STAT6: variants seen among roughly 807,000 people sequenced by gnomAD.
STAT6 encodes the protein STAT, interleukin4-induced.
A neutral mutation model predicts 106.3 loss-of-function variants in STAT6; 45 were observed. That is an observed-to-expected ratio of 0.42 (90% confidence interval 0.33 to 0.54). STAT6 has a LOEUF of 0.54. Ranked by LOEUF, STAT6 falls within the 20% of genes least tolerant of loss-of-function variation. STAT6 has a pLI of 0.06. For synonymous variants in STAT6, 413 were observed against 413.6 expected, an observed-to-expected ratio of 1.00 and a Z score of 0.02; for missense variants, 797 against 1,062.2, an observed-to-expected ratio of 0.75 and a Z score of 3.47.
chr12:57,105,234 G>C lies in STAT6; in HGVS notation c.918C>G (p.Ala306=), dbSNP rs978295929. 11 of 1,613,986 alleles carry C rather than the reference G, an allele frequency of 6.8e-6. No individual in the cohort carries two copies. Among genetic ancestry groups the C allele is most frequent in the Non-Finnish European group, 9.3e-6 (11 of 1,180,006 alleles). The change falls in exon 9 of 22, where the codon GCC becomes GCG. Residue 306 remains alanine (A), a synonymous_variant. Transcript: ENST00000300134. Reference sequence around the variant, plus strand: ...TGTCGGCCCTGACCAGCGGAGGCTTGGCTGGGGCCCCCAGGAACCTCAAGC... The same window carrying C: ...TGTCGGCCCTGACCAGCGGAGGCTTCGCTGGGGCCCCCAGGAACCTCAAGC... ...LLGLRFLGAP[A]KPPLVRADMV...
chr12:57,104,351 C>G, intron 11 of STAT6, 113 bp downstream of exon 11: 1 of 1,448,640 alleles, frequency 6.9e-7, no homozygotes, highest in Non-Finnish European at 9.3e-7. Context: ...GCATGAATCC[C>G]AGACACATGG....
At chr12:57,105,719 G>A in intron 7 of STAT6, 120 bp from the exon 8 acceptor site, 3 of 1,437,212 alleles carry the variant, frequency 2.1e-6, no homozygotes, top group Non-Finnish European at 2.8e-6. Context: ...GTGGGTAGTG[G>A]GTGTGGCTGC....
At chr12:57,109,119 G>A (rs1010887436) in intron 1 of STAT6, among the ~76,000 whole-genome samples, 6 of 152,118 alleles carry the variant, frequency 3.9e-5, no homozygotes, top group Admixed American at 1.3e-4. Flanking sequence ...ACAGAATGGC[G>A]TGAACCTGGG....
At chr12:57,100,746 GAAAAGA>G (rs2033871628) in intron 13 of STAT6, 2 of 208,728 alleles carry the variant, frequency 9.6e-6, no homozygotes, top group Admixed American at 6.1e-5. Context: ...AAGAAAGAAA[GAAAAGA>G]AAAAAAAACC....
chr12:57,105,316 G>A lies in STAT6; in HGVS notation c.836C>T (p.Pro279Leu). The A allele has an allele frequency of 6.2e-7, 1 of 1,614,064 alleles. No homozygotes were observed. The highest frequency in any genetic ancestry group is 8.5e-7 in the Non-Finnish European group (1 of 1,179,962). The change falls in exon 9 of 22, where the codon CCC becomes CTC. Residue 279 changes from proline to leucine, a missense_variant. Around this residue, in one of 4 missense-constraint regions of STAT6, gnomAD observed 336 missense variants for 429.8 expected, o/e 0.78. Transcript: ENST00000300134. ...GGTCTGAGTCTTCAGTACCTGGGGGGGCTGCTTCTCCACCAGGAAGCAACT... is the reference window on the plus strand; with the variant it reads ...GGTCTGAGTCTTCAGTACCTGGGGGAGCTGCTTCTCCACCAGGAAGCAACT... Reference protein sequence around the residue: ...VTSCFLVEKQPPQVLKTQTKF... With the variant: ...VTSCFLVEKQLPQVLKTQTKF...
chr12:57,104,921 G>T, intron 9 of STAT6, 108 bp from the exon 10 acceptor site: 2 of 1,360,250 alleles, frequency 1.5e-6, no homozygotes, highest in Non-Finnish European at 2.1e-6. Context: ...AAATCTCCAT[G>T]TCTCTGTTTG....
At position 57,099,616 on chromosome 12, in the gene STAT6, G is replaced by A; in HGVS notation, c.1744+151C>T. ...TTCCCACAGAGCTCACAGTGAGAAG[G>A]TGAACATTTAGACCACAGAAGGAAG... On this transcript the variant is annotated intron_variant, in intron 15 of 21. Coordinates refer to ENST00000300134, the MANE Select transcript of STAT6 (RefSeq NM_003153.5). The surrounding 1 kb of genome is among the most constrained non-coding windows in gnomAD (Gnocchi z 4.7). The A allele has an allele frequency of 2.9e-6, 4 of 1,391,496 alleles. No homozygotes were observed. The highest frequency in any genetic ancestry group is 2.9e-5 in the African/African-American group (2 of 69,438). The allele number at this position is 1,391,496 out of a possible 1,614,324, so 86.2% of individuals were successfully genotyped here. A position where few individuals can be genotyped will look rare whatever the true frequency, so the allele number is the denominator to read the frequency against.
At position 57,104,408 on chromosome 12, in the gene STAT6, G is replaced by C; in HGVS notation, c.1212+56C>G. The C allele has an allele frequency of 2.5e-6, 4 of 1,572,470 alleles. No individual in the cohort carries two copies. In the South Asian group the frequency reaches 4.6e-5, roughly 18 times the overall value. On this transcript the variant is annotated intron_variant, in intron 11 of 21. Coordinates refer to ENST00000300134, the MANE Select transcript of STAT6 (RefSeq NM_003153.5). ...GTGAGGGTCCAGGGCCCTTGTGTGT[G>C]GCATTGGAGGAGGACTCGGGGTCCC...
chr12:57,107,201 G>A, intron 4 of STAT6, 30 bp downstream of exon 4: 1 of 1,599,136 alleles, frequency 6.3e-7, no homozygotes, highest in Non-Finnish European at 8.6e-7. Context: ...AGGGGATTGA[G>A]TTGGGGTGGG....
At chr12:57,109,160 C>T (rs1315926311) in intron 1 of STAT6, among the ~76,000 whole-genome samples, 1 of 151,986 alleles carries the variant, frequency 6.6e-6, no homozygotes, top group African/African-American at 2.4e-5. Context: ...AGAGATCGAG[C>T]CACTGCACTC....
Position 57,096,854 on chromosome 12 carries a change from T to G in STAT6, c.2350A>C (p.Thr784Pro). 1 of 1,614,146 alleles carries G rather than the reference T, an allele frequency of 6.2e-7. No homozygotes were observed. The highest frequency in any genetic ancestry group is 2.2e-5 in the East Asian group (1 of 44,886). The change falls in exon 21 of 22, where the codon ACT becomes CCT. Residue 784 changes from threonine (T) to proline (P), a missense_variant. Coordinates refer to ENST00000300134, the MANE Select transcript of STAT6 (RefSeq NM_003153.5). ...CACTCCCAAGCTGCCACTCACCAAG[T>G]GCCCTGAGGAAACGCTGTCACTGGC... ...SQPVTAFPQG[T>P]WIGEDIFPPL...
At position 57,095,998 on chromosome 12, in the gene STAT6, A is replaced by T. The variant is rs1487912819; in HGVS notation, c.*574T>A. The T allele has an allele frequency of 6.5e-6, 1 of 152,896 alleles. No homozygotes were observed. The highest frequency in any genetic ancestry group is 6.5e-5 in the Admixed American group (1 of 15,282). The allele number at this position is 152,896 out of a possible 1,614,324, so 9.5% of individuals were successfully genotyped here. ...TAACAGGAATTTGGGGCTTTGGGAG[A>T]TTTTTTAATCAGGGCAAAACCTGTA... is the stretch of plus-strand genomic sequence containing the variant. On this transcript the variant is annotated 3_prime_UTR_variant, in exon 22 of 22. Coordinates refer to ENST00000300134, the MANE Select transcript of STAT6 (RefSeq NM_003153.5).
Position 57,099,519 on chromosome 12 carries a change from C to T in STAT6, c.1745-79G>A. 1.3e-6 allele frequency: 2 copies of T among 1,587,188 alleles called. No homozygotes were observed. The highest frequency in any genetic ancestry group is 1.7e-6 in the Non-Finnish European group (2 of 1,161,170). On this transcript the variant is annotated intron_variant, in intron 15 of 21. Coordinates refer to ENST00000300134, the MANE Select transcript of STAT6 (RefSeq NM_003153.5). This position sits in a 1 kb window ranked among gnomAD's most constrained non-coding sequence, Gnocchi z 4.7. ...CCCAACCCCTACCATAAGACCTGTT[C>T]TCACTCCACCAAGGCAAGGGAGAGA... is the stretch of plus-strand genomic sequence containing the variant.
chr12:57,107,212 A>G lies in STAT6; in HGVS notation c.339+19T>C, dbSNP rs746661132. The G allele has an allele frequency of 1.9e-5, 30 of 1,610,004 alleles. No homozygotes were observed. Among genetic ancestry groups the G allele is most frequent in the Non-Finnish European group, 2.6e-5 (30 of 1,176,440 alleles). On this transcript the variant is annotated intron_variant, in intron 4 of 21. Transcript: ENST00000300134. ...TCTCAGGGGATTGAGTTGGGGTGGG[A>G]GGTGGAATATCACAATACCTGTTCC...
Position 57,099,048 on chromosome 12 carries a change from T to G in STAT6, c.1922A>C (p.Tyr641Ser). 6.2e-7 allele frequency: 1 copy of G among 1,614,090 alleles called. No individual in the cohort carries two copies. The highest frequency in any genetic ancestry group is 8.5e-7 in the Non-Finnish European group (1 of 1,180,030). ...PEQMGKDGRG[Y>S]VPATIKMTVE... ...GGTCATCTTGATGGTAGCTGGGACA[T>G]AACCCCTGCCATCCTTACCCATCTG... The change falls in exon 17 of 22, where the codon TAT (tyrosine) becomes TCT (serine). Residue 641 changes from tyrosine (Y) to serine (S), a missense_variant. Physicochemically the swap from Tyr to Ser is moderately radical, Grantham distance 144. Transcript: ENST00000300134. This position sits in a 1 kb window ranked among gnomAD's most constrained non-coding sequence, Gnocchi z 4.7.
chr12:57,105,412 CCTT>C (rs2034206854), intron 8 of STAT6, 53 bp downstream of exon 8: 1 of 1,609,230 alleles, frequency 6.2e-7, no homozygotes, highest in Non-Finnish European at 8.5e-7. Flanking sequence ...GCTCTAGCCC[CCTT>C]CTTTTCTTCC....
Position 57,096,531 on chromosome 12 carries a change from A to C in STAT6, c.*41T>G. The C allele has an allele frequency of 6.6e-7, 1 of 1,526,438 alleles. No individual in the cohort carries two copies. Among genetic ancestry groups the C allele is most frequent in the African/African-American group, 1.4e-5 (1 of 72,036 alleles). 94.6% of individuals were successfully genotyped at this position (1,526,438 alleles called of 1,614,324 possible). On this transcript the variant is annotated 3_prime_UTR_variant, in exon 22 of 22. Coordinates refer to ENST00000300134, the MANE Select transcript of STAT6 (RefSeq NM_003153.5). Reference sequence around the variant, plus strand: ...GTGTCCAGAGCAGGTCTGTGGGGGTAGTAGAAGAGCTGTCTCTTTGGGTTC... The same window carrying C: ...GTGTCCAGAGCAGGTCTGTGGGGGTCGTAGAAGAGCTGTCTCTTTGGGTTC...
intron 18 of STAT6, 59 bp downstream of exon 18, chr12:57,098,733 A>C (rs1057319072): frequency 1.3e-6 from 2 of 1,574,562 alleles, no homozygotes; most frequent in Middle Eastern, 1.8e-4. Flanking sequence ...CCAGCTGCCC[A>C]TGCTAAGATT....
At position 57,098,830 on chromosome 12, in the gene STAT6, AG is replaced by A; in HGVS notation, c.2027del (p.Pro676LeufsTer5). On this transcript the variant is annotated frameshift_variant, in exon 18 of 22. Transcript: ENST00000300134. LOFTEE classifies it high-confidence loss of function. ...CAAGCTGCATGCTCATGGAGGAATCAGGGGCCATTCCAAGGTCATAAGAAGG... is the reference window on the plus strand; with the variant it reads ...CAAGCTGCATGCTCATGGAGGAATCAGGGCCATTCCAAGGTCATAAGAAGG... ...MVPSYDLGMA[P>X]DSSMSMQLGP... The A allele has an allele frequency of 6.2e-7, 1 of 1,613,354 alleles. No individual in the cohort carries two copies. The highest frequency in any genetic ancestry group is 8.5e-7 in the Non-Finnish European group (1 of 1,179,784).
Sources: allele counts gnomAD v4.1 joint callset (sites outside exome capture counted in the v4.1 genomes callset), GRCh38; gene constraint gnomAD v4.1.1; regional missense constraint gnomAD v4.1.1; non-coding constraint Gnocchi (gnomAD v3.1); transcripts MANE v1.5; gene names NCBI Gene and HGNC (gene_info 2026-07-23, HGNC 2026-07-21).